CTNNA2: variants seen among roughly 807,000 people sequenced by gnomAD.
CTNNA2 encodes catenin alpha-2.
A neutral mutation model predicts 101.0 loss-of-function variants in CTNNA2; 42 were observed. The observed-to-expected ratio is 0.42, with a 90% CI of 0.32 to 0.54. CTNNA2 has a LOEUF of 0.54. Ranked by LOEUF, CTNNA2 falls within the 20% of genes least tolerant of loss-of-function variation. CTNNA2 has a pLI of 0.14. For missense variants in CTNNA2, 871 were observed against 1,223.1 expected (o/e 0.71, Z 4.29); for synonymous variants, 450 against 456.4 (o/e 0.99, Z 0.18).
chr2:80,335,634 C>A (rs960439214), intron 7 of CTNNA2, among the ~76,000 whole-genome samples: 1 of 152,142 alleles, frequency 6.6e-6, no homozygotes, highest in Non-Finnish European at 1.5e-5. Flanking sequence ...TACTTGGCAC[C>A]AGATGAGAAG....
intron 7 of CTNNA2, among the ~76,000 whole-genome samples, chr2:79,982,854 C>A (rs928458858): frequency 2.0e-5 from 3 of 152,034 alleles, no homozygotes; most frequent in African/African-American, 7.2e-5. Flanking sequence ...AACTCACTTT[C>A]CTCTATCTCT....
intron 7 of CTNNA2, among the ~76,000 whole-genome samples, chr2:80,104,728 G>A (rs943411713): frequency 2.0e-5 from 3 of 152,222 alleles, no homozygotes; most frequent in Admixed American, 2.0e-4. Context: ...TTCAGCAGCA[G>A]TAATTCTGAG....
chr2:80,381,694 ACTT>A (rs1467311536), intron 7 of CTNNA2, among the ~76,000 whole-genome samples: 14 of 152,198 alleles, frequency 9.2e-5, no homozygotes, highest in African/African-American at 3.1e-4. Context: ...CAAACCTTGT[ACTT>A]CTTCTGCCCA....
At chr2:79,266,765 GA>G (rs761595640) in intron 2 of CTNNA2, among the ~76,000 whole-genome samples, 11 of 152,028 alleles carry the variant, frequency 7.2e-5, no homozygotes, top group Non-Finnish European at 1.2e-4. Flanking sequence ...GCATTTGAGA[GA>G]TATGAATACA....
intron 4 of CTNNA2, among the ~76,000 whole-genome samples, chr2:79,452,250 T>C (rs1347716843): frequency 6.6e-6 from 1 of 152,090 alleles, no homozygotes; most frequent in Non-Finnish European, 1.5e-5. Flanking sequence ...CATCAGTCTC[T>C]AAGTGCCTAA....
intron 7 of CTNNA2, among the ~76,000 whole-genome samples, chr2:80,105,384 A>G (rs1700815034): frequency 6.6e-6 from 1 of 152,228 alleles, no homozygotes; most frequent in African/African-American, 2.4e-5. Flanking sequence ...AGAATTGCCT[A>G]GGCAAAGGGT....
intron 11 of CTNNA2, among the ~76,000 whole-genome samples, chr2:80,549,738 T>A (rs143591342): frequency 1.3e-5 from 2 of 152,296 alleles, no homozygotes; most frequent in Admixed American, 6.5e-5. Flanking sequence ...CACCTCAGAA[T>A]AAAAGTGTGT....
At chr2:79,858,957 G>A (rs1681368152) in intron 4 of CTNNA2, among the ~76,000 whole-genome samples, 1 of 151,500 alleles carries the variant, frequency 6.6e-6, no homozygotes, top group Admixed American at 6.6e-5. Flanking sequence ...TCTACTTGCT[G>A]ATTGGTATCT....
chr2:80,112,461 G>T (rs935971950), intron 7 of CTNNA2, among the ~76,000 whole-genome samples: 2 of 152,196 alleles, frequency 1.3e-5, no homozygotes, highest in South Asian at 2.1e-4. Context: ...ATTTGTCTAG[G>T]TTGGTCAGAA....
At chr2:80,454,968 C>G (rs957743682) in intron 9 of CTNNA2, among the ~76,000 whole-genome samples, 2 of 152,260 alleles carry the variant, frequency 1.3e-5, no homozygotes, top group African/African-American at 4.8e-5. Context: ...TCAGTCCCTT[C>G]TTTTCACAAT....
At chr2:79,644,907 C>T (rs1680700693) in intron 1 of CTNNA2, among the ~76,000 whole-genome samples, 1 of 152,176 alleles carries the variant, frequency 6.6e-6, no homozygotes, top group Non-Finnish European at 1.5e-5. Context: ...GGATTCTTCT[C>T]TAAAAGCCGT....
chr2:80,428,616 T>G (rs1485850179), intron 9 of CTNNA2, among the ~76,000 whole-genome samples: 1 of 152,210 alleles, frequency 6.6e-6, no homozygotes, highest in Non-Finnish European at 1.5e-5. Flanking sequence ...TGTTTCTCAG[T>G]TGGCTCTGGC....
chr2:80,323,460 AT>A (rs1678921063), intron 7 of CTNNA2, among the ~76,000 whole-genome samples: 1 of 149,598 alleles, frequency 6.7e-6, no homozygotes, highest in South Asian at 2.1e-4. Context: ...TTTCCCATGT[AT>A]TTTCCTCCCT....
intron 7 of CTNNA2, among the ~76,000 whole-genome samples, chr2:80,139,555 T>C (rs1478306524): frequency 6.6e-6 from 1 of 152,194 alleles, no homozygotes; most frequent in Non-Finnish European, 1.5e-5. Context: ...TGTGTTTGTA[T>C]GTGTAAGTGT....
At chr2:80,627,290 ACACTGTCTTC>A (rs1017954221) in intron 18 of CTNNA2, among the ~76,000 whole-genome samples, 6 of 152,222 alleles carry the variant, frequency 3.9e-5, no homozygotes, top group African/African-American at 1.4e-4. Flanking sequence ...AAGAATCGCC[ACACTGTCTTC>A]CACAATGGTT....
chr2:80,571,115 C>A (rs1286500750), intron 12 of CTNNA2, among the ~76,000 whole-genome samples: 2 of 152,178 alleles, frequency 1.3e-5, no homozygotes, highest in African/African-American at 4.8e-5. Context: ...GGTGACCTTG[C>A]CACAAACAAA....
chr2:79,830,820 T>C (rs1009417274), intron 3 of CTNNA2, among the ~76,000 whole-genome samples: 1 of 152,238 alleles, frequency 6.6e-6, no homozygotes, highest in Admixed American at 6.5e-5. Flanking sequence ...TCTATTAGCA[T>C]ATACTGACAC....
In CTNNA2 at chr2:79,427,302, A is replaced by C. The variant is rs191003065; in HGVS notation, c.-135+53289A>C. Among the ~76,000 whole-genome samples the C allele has an allele frequency of 1.8e-4, 27 of 152,072 alleles. No individual in the cohort carries two copies. The East Asian group carries it at 5.2e-3, about 29-fold the overall frequency. ...CACCTCGTTCTGGTAGTATCATCCT[A>C]TCAGAAGTTGGTTCTCAGCAGTGGT... On this transcript the variant is annotated intron_variant, in intron 4 of 21. Coordinates refer to the CTNNA2 transcript ENST00000466387.
At chr2:80,378,687 A>T (rs1448864454) in intron 7 of CTNNA2, 1 of 152,174 alleles carries the variant, frequency 6.6e-6, no homozygotes, top group Non-Finnish European at 1.5e-5. Context: ...CCCTCAGCTT[A>T]TTCTGAGTGA....
Sources: allele counts gnomAD v4.1 joint callset (sites outside exome capture counted in the v4.1 genomes callset), GRCh38; gene constraint gnomAD v4.1.1; transcripts MANE v1.5; gene names NCBI Gene and HGNC (gene_info 2026-07-23, HGNC 2026-07-21).